The following CHD6 variants were observed in gnomAD, a reference collection of about 807,000 sequenced individuals.
CHD6 encodes chromodomain helicase DNA binding protein 6.
Under a neutral mutation model 276.9 loss-of-function variants are expected in CHD6, and 50 were observed. The observed-to-expected ratio is 0.18, with a 90% CI of 0.14 to 0.23. The LOEUF (loss-of-function observed/expected upper bound fraction) is 0.23. Ranked by LOEUF, CHD6 falls within the 10% of genes least tolerant of loss-of-function variation. The pLI, the probability that CHD6 is intolerant of heterozygous loss-of-function variation, is 1.00. For missense variants in CHD6, 2,564 were observed against 3,365.8 expected (o/e 0.76, Z 5.89); for synonymous variants, 1,173 against 1,229.3 (o/e 0.95, Z 0.96).
At position 41,489,983 on chromosome 20, in the gene CHD6, T is replaced by C. The variant is rs1356885294; in HGVS notation, c.1475A>G (p.Lys492Arg). 6.2e-7 allele frequency: 1 copy of C among 1,614,038 alleles called. No homozygotes were observed. The highest frequency in any genetic ancestry group is 1.3e-5 in the African/African-American group (1 of 75,042). ...CILADEMGLG[K>R]TIQSITFLSE... is the part of the protein sequence containing the mutation. ...AAGGAATGTGATGGACTGGATGGTT[T>C]TCCCTAGGCCCATCTCATCAGCCAA... The change falls in exon 12 of 37, where the codon AAA (lysine) becomes AGA (arginine). Residue 492 changes from lysine (K) to arginine (R), a missense_variant. Coordinates refer to ENST00000373233, the MANE Select transcript of CHD6 (RefSeq NM_032221.5).
chr20:41,592,258 C>T (rs986081637), intron 1 of CHD6, among the ~76,000 whole-genome samples: 1 of 151,870 alleles, frequency 6.6e-6, no homozygotes, highest in Non-Finnish European at 1.5e-5. Context: ...TACCTAATTT[C>T]TTTTTTTTAA....
chr20:41,498,266 G>A, intron 6 of CHD6, 40 bp from the exon 7 acceptor site: 1 of 1,497,888 alleles, frequency 6.7e-7, no homozygotes, highest in Admixed American at 1.8e-5. Flanking sequence ...CAGATCCCAG[G>A]CAGATCACCC....
At chr20:41,521,634 C>A (rs2044400133) in intron 3 of CHD6, among the ~76,000 whole-genome samples, 1 of 152,076 alleles carries the variant, frequency 6.6e-6, no homozygotes, top group South Asian at 2.1e-4. Context: ...CTAGTTTTGA[C>A]AACAGAAAGG....
intron 27 of CHD6, among the ~76,000 whole-genome samples, chr20:41,432,177 A>G (rs1308357557): frequency 1.3e-5 from 2 of 151,700 alleles, no homozygotes; most frequent in Non-Finnish European, 2.9e-5. Context: ...AAAAAAAAAA[A>G]AAGAAGCGAG....
intron 1 of CHD6, among the ~76,000 whole-genome samples, chr20:41,551,670 C>T (rs1237393332): frequency 1.3e-5 from 2 of 152,082 alleles, no homozygotes; most frequent in African/African-American, 4.8e-5. Flanking sequence ...CAATAACATG[C>T]CTTTACTGAG....
chr20:41,487,868 G>A (rs552535353), intron 13 of CHD6, 60 bp from the exon 14 acceptor site: 6 of 1,557,966 alleles, frequency 3.9e-6, no homozygotes, highest in East Asian at 4.6e-5. Flanking sequence ...GTGCATTTTC[G>A]TGGGGAAAAT....
chr20:41,446,219 A>G (rs2145631289), intron 24 of CHD6, among the ~76,000 whole-genome samples: 1 of 152,330 alleles, frequency 6.6e-6, no homozygotes, highest in South Asian at 2.1e-4. Flanking sequence ...TTGCCTCAAC[A>G]AGTAGAGATC....
chr20:41,573,737 T>C lies in CHD6; in HGVS notation c.-23-22377A>G, dbSNP rs570713334. Among the ~76,000 whole-genome samples, 17 of 152,264 alleles carry C rather than the reference T, an allele frequency of 1.1e-4. No homozygotes were observed. In the South Asian group the frequency reaches 3.5e-3, roughly 32 times the overall value. On this transcript the variant is annotated intron_variant, in intron 1 of 36. Coordinates refer to ENST00000373233, the MANE Select transcript of CHD6 (RefSeq NM_032221.5). Reference sequence around the variant, plus strand: ...CTAAGAGCCATGCGAGTTAAGAGACTGTATAATATCAATGAAAGTTTGACA... The same window carrying C: ...CTAAGAGCCATGCGAGTTAAGAGACCGTATAATATCAATGAAAGTTTGACA...
intron 1 of CHD6, among the ~76,000 whole-genome samples, chr20:41,597,734 TC>T (rs1601182598): frequency 1.3e-5 from 2 of 152,158 alleles, no homozygotes; most frequent in South Asian, 4.2e-4. Flanking sequence ...CTTTTTTTTT[TC>T]CTCTTCTCTT....
intron 1 of CHD6, among the ~76,000 whole-genome samples, chr20:41,596,984 C>T (rs1052296992): frequency 6.6e-6 from 1 of 152,026 alleles, no homozygotes; most frequent in African/African-American, 2.4e-5. Flanking sequence ...ACAAAGTACC[C>T]GAGGGTCCAA....
At chr20:41,551,631 G>A (rs141774016) in intron 1 of CHD6, among the ~76,000 whole-genome samples, 1 of 152,196 alleles carries the variant, frequency 6.6e-6, no homozygotes, top group Non-Finnish European at 1.5e-5. Context: ...ATGTATGAAA[G>A]TTAGTGGTAA....
intron 27 of CHD6, among the ~76,000 whole-genome samples, chr20:41,428,279 T>C (rs1236280732): frequency 6.6e-6 from 1 of 152,206 alleles, no homozygotes; most frequent in Non-Finnish European, 1.5e-5. Context: ...TGTTAGTAGC[T>C]CAAGTGAAAA....
At chr20:41,560,182 G>T (rs1188143762) in intron 1 of CHD6, among the ~76,000 whole-genome samples, 5 of 151,952 alleles carry the variant, frequency 3.3e-5, no homozygotes, top group Non-Finnish European at 7.4e-5. Flanking sequence ...TTCCTAAAGT[G>T]CAAACAAAAT....
intron 34 of CHD6, 119 bp downstream of exon 34, chr20:41,415,067 A>C: frequency 6.7e-7 from 1 of 1,483,268 alleles, no homozygotes; most frequent in Non-Finnish European, 9.0e-7. Context: ...AGAGAAAATA[A>C]AGCAGGACAA....
In CHD6 at chr20:41,497,663, A is replaced by AACAACAGAAAACAAAACAAAACGGAGT. The variant is rs571446607; in HGVS notation, c.975-189_975-163dup. On this transcript the variant is annotated intron_variant, in intron 7 of 36. Transcript: ENST00000373233. ...TTAGAAAGACCTTCCCCTTAAGGGCAACAACAGAAAACAAAACAAAACGGA... is the reference window on the plus strand; with the variant it reads ...TTAGAAAGACCTTCCCCTTAAGGGCAACAACAGAAAACAAAACAAAACGGAGTACAACAGAAAACAAAACAAAACGGA... 536 of 624,198 alleles carry AACAACAGAAAACAAAACAAAACGGAGT rather than the reference A, an allele frequency of 8.6e-4. 2 individuals are homozygous for AACAACAGAAAACAAAACAAAACGGAGT. In the African/African-American group the frequency reaches 9.0e-3, roughly 11 times the overall value. The allele number at this position is 624,198 out of a possible 1,614,324, so 38.7% of individuals were successfully genotyped here.
At chr20:41,507,657 T>C (rs1043344972) in intron 5 of CHD6, among the ~76,000 whole-genome samples, 1 of 152,194 alleles carries the variant, frequency 6.6e-6, no homozygotes, top group Non-Finnish European at 1.5e-5. Flanking sequence ...TAAATCTGCT[T>C]GCCAGACACA....
intron 1 of CHD6, among the ~76,000 whole-genome samples, chr20:41,609,549 T>C (rs6072445): frequency 0.38 from 58,094 of 152,038 alleles, 13,896 homozygotes; most frequent in African/African-American, 0.66. Context: ...ACTCATGCCA[T>C]AAACAAAACA....
intron 5 of CHD6, 33 bp from the exon 6 acceptor site, chr20:41,499,390 C>T (rs1887050858): frequency 3.3e-6 from 5 of 1,502,714 alleles, no homozygotes; most frequent in Non-Finnish European, 4.5e-6. Flanking sequence ...AAGAAAATTG[C>T]TGGAACCACA....
intron 16 of CHD6, among the ~76,000 whole-genome samples, chr20:41,478,359 C>A (rs1168527817): frequency 6.6e-6 from 1 of 152,114 alleles, no homozygotes; most frequent in Non-Finnish European, 1.5e-5. Flanking sequence ...ACTATAAAAA[C>A]CAAAATGAAT....
Sources: gnomAD v4.1 joint callset for allele counts (sites outside exome capture counted in the v4.1 genomes callset) on GRCh38, gnomAD v4.1.1 for gene constraint, MANE v1.5 for transcripts, NCBI Gene and HGNC (gene_info 2026-07-23, HGNC 2026-07-21) for gene names.